The following UMAD1 variants were observed in gnomAD, a reference collection of about 807,000 sequenced individuals.
The protein encoded by UMAD1 is UBAP1-MVB12-associated (UMA)-domain containing protein 1.
A neutral mutation model predicts 6.1 loss-of-function variants in UMAD1; 8 were observed. The ratio of observed to expected loss-of-function variants is 1.30; its 90% CI spans 0.76 to 2.35. UMAD1 has a LOEUF of 2.35. UMAD1 is among the 30% of genes most tolerant of loss of function. The probability of loss-of-function intolerance (pLI) is 0.00; values close to 1 mark genes in which losing one functional copy is unlikely to be tolerated. For missense variants in UMAD1, 130 were observed against 78.4 expected, an observed-to-expected ratio of 1.66 and a Z score of -2.49; for synonymous variants, 56 against 31.4, an observed-to-expected ratio of 1.78 and a Z score of -2.61.
rs4034895 is a variant in UMAD1, at chr7:7,834,016, CTTTTTTTTTTTT to C, written c.156+32286_156+32297del. 8.2e-4 allele frequency among the ~76,000 whole-genome samples: 91 copies of C among 110,486 alleles called. 1 individual carries two copies. Among genetic ancestry groups the C allele is most frequent in the African/African-American group, 2.9e-3 (86 of 29,202 alleles). 72.5% of individuals were successfully genotyped at this position (110,486 alleles called of 152,430 possible). The stretch of plus-strand genomic sequence containing the variant: ...CCTAACATTTCTTTCTTTTTCTTTT[CTTTTTTTTTTTT>C]TTTTTTTTTTTTGAGACGGAGTCTT... On this transcript the variant is annotated intron_variant, in intron 3 of 3. Transcript: ENST00000682710.
intron 3 of UMAD1, among the ~76,000 whole-genome samples, chr7:7,819,590 C>T (rs192245769): frequency 4.1e-4 from 62 of 152,222 alleles, no homozygotes; most frequent in Non-Finnish European, 7.1e-4. Flanking sequence ...GTTTTTTCCA[C>T]GCCTGTTGAC....
rs546205530 is a variant in UMAD1 at position 7,853,622 on chromosome 7, A to T, written c.157-23659A>T. Among the ~76,000 whole-genome samples the T allele has an allele frequency of 1.1e-4, 16 of 152,286 alleles. No homozygotes were observed. In the South Asian group the frequency reaches 3.3e-3, roughly 32 times the overall value. ...CATATTTGGATTGTTCATTCCAAGT[A>T]TATAGAAATACAACTGATTTTTGTA... On this transcript the variant is annotated intron_variant, in intron 3 of 3. Transcript: ENST00000682710.
At chr7:7,680,213 T>C (rs573047817) in intron 2 of UMAD1, among the ~76,000 whole-genome samples, 1 of 152,284 alleles carries the variant, frequency 6.6e-6, no homozygotes, top group African/African-American at 2.4e-5. Flanking sequence ...TGATTTGATT[T>C]TTGTATGTGG....
chr7:7,850,110 C>T (rs1783882897), intron 3 of UMAD1, among the ~76,000 whole-genome samples: 1 of 152,076 alleles, frequency 6.6e-6, no homozygotes, highest in Non-Finnish European at 1.5e-5. Context: ...TGTGAAGATA[C>T]AATTTTGTAT....
At chr7:7,787,350 AT>A (rs1283277304) in intron 2 of UMAD1, among the ~76,000 whole-genome samples, 1 of 152,198 alleles carries the variant, frequency 6.6e-6, no homozygotes, top group Admixed American at 6.5e-5. Flanking sequence ...ATGACTCCAG[AT>A]TTTTTGAAAC....
At chr7:7,867,165 AGC>A (rs1196958509) in intron 3 of UMAD1, among the ~76,000 whole-genome samples, 3 of 152,212 alleles carry the variant, frequency 2.0e-5, no homozygotes, top group Admixed American at 1.3e-4. Flanking sequence ...CTAAGCTAAG[AGC>A]CAGGTTTAAA....
intron 2 of UMAD1, among the ~76,000 whole-genome samples, chr7:7,783,430 T>G (rs188196268): frequency 6.6e-6 from 1 of 152,050 alleles, no homozygotes; most frequent in Non-Finnish European, 1.5e-5. Flanking sequence ...GAAATTCAGA[T>G]GCTGCACGGT....
At chr7:7,850,109 A>G (rs1783882855) in intron 3 of UMAD1, among the ~76,000 whole-genome samples, 1 of 152,210 alleles carries the variant, frequency 6.6e-6, no homozygotes, top group African/African-American at 2.4e-5. Flanking sequence ...TTGTGAAGAT[A>G]CAATTTTGTA....
chr7:7,738,748 C>T (rs897485954), intron 2 of UMAD1: 2 of 152,192 alleles, frequency 1.3e-5, no homozygotes, highest in African/African-American at 2.4e-5. Flanking sequence ...TGGGAGGGAA[C>T]CGATGCTCAA....
intron 1 of UMAD1, among the ~76,000 whole-genome samples, chr7:7,646,315 C>G (rs1035552872): frequency 1.3e-5 from 2 of 151,578 alleles, no homozygotes; most frequent in Admixed American, 6.6e-5. Context: ...GTGCCCCACT[C>G]AAATCTCATC....
At chr7:7,806,445 A>G (rs575063265) in intron 3 of UMAD1, among the ~76,000 whole-genome samples, 3 of 152,302 alleles carry the variant, frequency 2.0e-5, no homozygotes, top group African/African-American at 7.2e-5. Context: ...GGCAGGGGCT[A>G]TAGCTTAATT....
At chr7:7,863,594 T>C (rs1784157217) in intron 3 of UMAD1, among the ~76,000 whole-genome samples, 1 of 152,210 alleles carries the variant, frequency 6.6e-6, no homozygotes, top group Non-Finnish European at 1.5e-5. Context: ...TTGGTGTGGT[T>C]AATGTGCCTT....
At chr7:7,792,731 A>G (rs188466686) in intron 2 of UMAD1, among the ~76,000 whole-genome samples, 89 of 152,296 alleles carry the variant, frequency 5.8e-4, no homozygotes, top group African/African-American at 2.0e-3. Flanking sequence ...AAAATACCAT[A>G]AACCGCGTGG....
chr7:7,799,177 A>G (rs1034471032), intron 2 of UMAD1, among the ~76,000 whole-genome samples: 4 of 152,114 alleles, frequency 2.6e-5, no homozygotes, highest in African/African-American at 7.2e-5. Context: ...CAAGGGGTGG[A>G]AAAAAAACTT....
intron 3 of UMAD1, among the ~76,000 whole-genome samples, chr7:7,874,242 C>T (rs1047349149): frequency 2.6e-5 from 4 of 152,192 alleles, no homozygotes; most frequent in Non-Finnish European, 2.9e-5. Context: ...TTTTATCTCA[C>T]CTTTGCTATC....
At chr7:7,853,986 A>G (rs938706822) in intron 3 of UMAD1, among the ~76,000 whole-genome samples, 7 of 152,162 alleles carry the variant, frequency 4.6e-5, no homozygotes, top group East Asian at 3.8e-4. Context: ...GAGCCCTTCT[A>G]TTCTTTCTTT....
intron 2 of UMAD1, among the ~76,000 whole-genome samples, chr7:7,757,096 A>G (rs1303742512): frequency 6.6e-6 from 1 of 152,248 alleles, no homozygotes; most frequent in Admixed American, 6.5e-5. Context: ...TGAATGATGT[A>G]AATGTGTTAG....
At chr7:7,813,398 G>A (rs868522339) in intron 3 of UMAD1, among the ~76,000 whole-genome samples, 24 of 152,100 alleles carry the variant, frequency 1.6e-4, no homozygotes, top group African/African-American at 5.8e-4. Context: ...TAGAGACAGG[G>A]TTTCACCGTA....
In UMAD1 at chr7:7,714,775, A is replaced by G. The variant is rs539260432; in HGVS notation, c.82+41322A>G. Among the ~76,000 whole-genome samples the G allele has an allele frequency of 5.9e-5, 9 of 152,164 alleles. 1 individual carries two copies. Among genetic ancestry groups the G allele is most frequent in the African/African-American group, 2.2e-4 (9 of 41,512 alleles). ...AGTAACAGGTTGGAAGCTGGGAGAA[A>G]GTCAGGATTTAGGGTGTTGGGCACT... is the stretch of plus-strand genomic sequence containing the variant. On this transcript the variant is annotated intron_variant, in intron 2 of 3. Transcript: ENST00000682710.
Sources: gnomAD v4.1 joint callset for allele counts (sites outside exome capture counted in the v4.1 genomes callset) on GRCh38, gnomAD v4.1.1 for gene constraint, MANE v1.5 for transcripts, NCBI Gene and HGNC (gene_info 2026-07-23, HGNC 2026-07-21) for gene names.